Variants in GPHN observed in about 807,000 individuals in gnomAD.
GPHN encodes gephyrin.
In GPHN, 17 loss-of-function variants were observed where a neutral mutation model predicts 95.5. The ratio of observed to expected loss-of-function variants is 0.18; its 90% CI spans 0.12 to 0.27. The LOEUF is 0.27. Ranked by LOEUF, GPHN falls within the 10% of genes least tolerant of loss-of-function variation. The pLI is 1.00. For synonymous variants in GPHN, 320 were observed against 322.5 expected (o/e 0.99, Z 0.08); for missense variants, 660 against 978.1 (o/e 0.67, Z 4.34).
the GPHN span, among the ~76,000 whole-genome samples, chr14:67,414,618 T>A: frequency 6.6e-6 from 1 of 152,266 alleles, no homozygotes; most frequent in African/African-American, 2.4e-5. Context: ...CCTAGGGTGC[T>A]GAGTTGCAGA....
At chr14:66,515,765 C>G (rs2058215661) in intron 1 of GPHN, among the ~76,000 whole-genome samples, 1 of 152,118 alleles carries the variant, frequency 6.6e-6, no homozygotes, top group Non-Finnish European at 1.5e-5. Flanking sequence ...GTATTCAACA[C>G]CTACTATGTA....
At chr14:66,903,410 TGTTACA>T (rs946793541) in intron 5 of GPHN, among the ~76,000 whole-genome samples, 2 of 152,130 alleles carry the variant, frequency 1.3e-5, no homozygotes, top group Admixed American at 1.3e-4. Flanking sequence ...CAGTTACAGT[TGTTACA>T]GTTACAGTTG....
intron 13 of GPHN, among the ~76,000 whole-genome samples, chr14:67,101,838 T>C (rs190809949): frequency 1.1e-4 from 16 of 147,626 alleles, no homozygotes; most frequent in African/African-American, 4.1e-4. Flanking sequence ...ACATATATCA[T>C]TGGTTTATGT....
chr14:67,376,672 A>G, the GPHN span: 3 of 1,444,016 alleles, frequency 2.1e-6, no homozygotes, highest in South Asian at 4.0e-5. Context: ...ATCCATGTAT[A>G]AAATACTTGC....
chr14:67,616,576 A>G, the GPHN span: 28 of 152,428 alleles, frequency 1.8e-4, 1 homozygote, highest in Admixed American at 1.6e-3. Flanking sequence ...AAAATGAACT[A>G]TAAACTATTT....
At chr14:67,200,581 C>T in the GPHN span, 1 of 223,950 alleles carries the variant, frequency 4.5e-6, no homozygotes, top group South Asian at 7.1e-5. Context: ...CTTCATCTTC[C>T]ATTAACACGT....
chr14:66,984,183 T>A (rs999699462), intron 9 of GPHN, among the ~76,000 whole-genome samples: 2 of 152,182 alleles, frequency 1.3e-5, no homozygotes, highest in African/African-American at 4.8e-5. Flanking sequence ...ATCTACCAAC[T>A]CTACCTTTAT....
In GPHN at chr14:66,985,408, A is replaced by G. The variant is rs1162312470; in HGVS notation, c.963+20083A>G. Among the ~76,000 whole-genome samples the G allele has an allele frequency of 3.9e-5, 6 of 152,080 alleles. No homozygotes were observed. In the East Asian group the frequency reaches 1.2e-3, roughly 29 times the overall value. ...AAATGCAAATGTAACACTACTCCAG[A>G]TACTGCTTCATCAGAAGTCCCCAAG... On this transcript the variant is annotated intron_variant, in intron 9 of 22. Coordinates refer to ENST00000478722, the MANE Select transcript of GPHN (RefSeq NM_020806.5).
At chr14:67,667,015 C>T in the GPHN span, among the ~76,000 whole-genome samples, 1 of 152,138 alleles carries the variant, frequency 6.6e-6, no homozygotes, top group Non-Finnish European at 1.5e-5. Flanking sequence ...GCACCATGAA[C>T]AAGAATGAAC....
At chr14:67,677,518 G>C in the GPHN span, 1 of 151,674 alleles carries the variant, frequency 6.6e-6, no homozygotes, top group Non-Finnish European at 1.5e-5. Context: ...TAAAGGGCTA[G>C]TTAATCCTTA....
intron 9 of GPHN, among the ~76,000 whole-genome samples, chr14:67,020,696 G>C (rs533606626): frequency 6.6e-6 from 1 of 152,094 alleles, no homozygotes; most frequent in South Asian, 2.1e-4. Flanking sequence ...ATAATATGCT[G>C]TTCCTACATG....
At chr14:67,128,884 A>G (rs1384182314) in intron 17 of GPHN, among the ~76,000 whole-genome samples, 1 of 149,716 alleles carries the variant, frequency 6.7e-6, no homozygotes, top group East Asian at 2.0e-4. Flanking sequence ...GTGCGATCTC[A>G]GCTCACTGAA....
At chr14:66,550,257 A>G (rs1473464653) in intron 1 of GPHN, among the ~76,000 whole-genome samples, 1 of 152,246 alleles carries the variant, frequency 6.6e-6, no homozygotes, top group African/African-American at 2.4e-5. Flanking sequence ...TCATGCGAGG[A>G]GGTCAAAATG....
At chr14:67,289,547 A>G in the GPHN span, among the ~76,000 whole-genome samples, 3 of 152,118 alleles carry the variant, frequency 2.0e-5, no homozygotes, top group African/African-American at 7.2e-5. Flanking sequence ...AAGGAAGACT[A>G]AATATATATA....
At chr14:67,628,133 C>G in the GPHN span, among the ~76,000 whole-genome samples, 1 of 152,208 alleles carries the variant, frequency 6.6e-6, no homozygotes, top group Admixed American at 6.5e-5. Context: ...TTAGGGCCCT[C>G]TCCAATCTCA....
chr14:66,813,554 G>A (rs544500754), intron 3 of GPHN, among the ~76,000 whole-genome samples: 2 of 152,356 alleles, frequency 1.3e-5, no homozygotes, highest in Admixed American at 1.3e-4. Flanking sequence ...AGCAGGAGGG[G>A]ACCCCTCAAC....
intron 17 of GPHN, among the ~76,000 whole-genome samples, chr14:67,124,565 A>G (rs140008791): frequency 1.3e-3 from 198 of 152,286 alleles, no homozygotes; most frequent in African/African-American, 4.4e-3. Context: ...ACCAAAATCA[A>G]CTTCTGAGAA....
the GPHN span, among the ~76,000 whole-genome samples, chr14:67,637,330 G>A: frequency 6.9e-6 from 1 of 144,206 alleles, no homozygotes; most frequent in Non-Finnish European, 1.5e-5. Flanking sequence ...AGAGCCCCTT[G>A]AACCAGGGAG....
the GPHN span, among the ~76,000 whole-genome samples, chr14:67,702,813 A>G: frequency 4.6e-5 from 7 of 151,962 alleles, no homozygotes; most frequent in Admixed American, 1.3e-4. Context: ...TTATACCTTT[A>G]TTTTTTGATT....
Sources: allele counts gnomAD v4.1 joint callset (sites outside exome capture counted in the v4.1 genomes callset), GRCh38; gene constraint gnomAD v4.1.1; transcripts MANE v1.5; gene names NCBI Gene and HGNC (gene_info 2026-07-23, HGNC 2026-07-21).